Variants in TRIP12 observed in about 807,000 individuals in gnomAD.
The protein encoded by TRIP12 is E3 ubiquitin-protein ligase TRIP12.
TRIP12 carries 25 observed loss-of-function variants against 244.2 expected under a neutral mutation model. That is an observed-to-expected ratio of 0.10 (90% CI 0.07 to 0.14). TRIP12 has a LOEUF of 0.14. Among genes scored for constraint, TRIP12 ranks in the 10% least tolerant of loss-of-function variants. The probability of loss-of-function intolerance (pLI) is 1.00; values close to 1 mark genes in which losing one functional copy is unlikely to be tolerated. For synonymous variants in TRIP12, 905 were observed against 873.1 expected (o/e 1.04, Z -0.64); for missense variants, 1,677 against 2,486.4 (o/e 0.67, Z 6.92).
At chr2:229,912,082 C>T (rs2154378150) in intron 1 of TRIP12, among the ~76,000 whole-genome samples, 1 of 152,284 alleles carries the variant, frequency 6.6e-6, no homozygotes, top group African/African-American at 2.4e-5. Context: ...TGTGCTGAGA[C>T]AAAATGACTG....
In TRIP12 at chr2:229,912,035, T is replaced by G. The variant is rs187432947; in HGVS notation, c.-50+9845A>C. On this transcript the variant is annotated intron_variant, in intron 1 of 41. Coordinates refer to ENST00000675903, the MANE Select transcript of TRIP12 (RefSeq NM_001348323.3). ...TCATGCATTAGGTATCAAAAAGTAT[T>G]TTGAATTACAAAAAATCTGAACAAA... Among the ~76,000 whole-genome samples, 32 of 152,320 alleles carry G rather than the reference T, an allele frequency of 2.1e-4. No individual in the cohort carries two copies. In the East Asian group the frequency reaches 4.2e-3, roughly 20 times the overall value.
intron 15 of TRIP12, 89 bp from the exon 16 acceptor site, chr2:229,808,458 A>C (rs1024714753): frequency 2.5e-6 from 2 of 813,580 alleles, no homozygotes; most frequent in Non-Finnish European, 4.0e-6. Flanking sequence ...GGGGGAAAAT[A>C]ATCAGAATCA....
chr2:229,809,064 G>A (rs540675526), intron 15 of TRIP12, among the ~76,000 whole-genome samples: 2 of 152,292 alleles, frequency 1.3e-5, no homozygotes, highest in Non-Finnish European at 2.9e-5. Flanking sequence ...TTGTGTGTGT[G>A]TTCCTGTAAA....
intron 8 of TRIP12, among the ~76,000 whole-genome samples, chr2:229,825,283 T>C (rs1465441691): frequency 6.6e-6 from 1 of 152,140 alleles, no homozygotes; most frequent in Non-Finnish European, 1.5e-5. Context: ...TATGAATTGG[T>C]GGTATCAGCA....
At chr2:229,893,392 T>C (rs1576777333) in intron 1 of TRIP12, among the ~76,000 whole-genome samples, 1 of 152,066 alleles carries the variant, frequency 6.6e-6, no homozygotes, top group African/African-American at 2.4e-5. Flanking sequence ...GTAACCCAAA[T>C]CCTTACCAGG....
intron 28 of TRIP12, 31 bp downstream of exon 28, chr2:229,792,122 C>T (rs542771719): frequency 1.2e-6 from 2 of 1,613,950 alleles, no homozygotes; most frequent in East Asian, 2.2e-5. Flanking sequence ...TTATATAGTA[C>T]ATTATACATG....
chr2:229,876,746 C>T (rs2063658480), intron 2 of TRIP12, among the ~76,000 whole-genome samples: 1 of 152,188 alleles, frequency 6.6e-6, no homozygotes, highest in Admixed American at 6.5e-5. Flanking sequence ...TCACTGAAAC[C>T]TTGAACTCCT....
chr2:229,794,762 C>A (rs1398181184), intron 26 of TRIP12: 1 of 152,118 alleles, frequency 6.6e-6, no homozygotes, highest in Admixed American at 6.5e-5. Context: ...AAACATTTGA[C>A]CCCATCAAAA....
At chr2:229,870,836 G>A (rs1467040915) in intron 2 of TRIP12, among the ~76,000 whole-genome samples, 2 of 152,102 alleles carry the variant, frequency 1.3e-5, no homozygotes, top group Non-Finnish European at 2.9e-5. Flanking sequence ...CTGACAGCTT[G>A]TCCTGAGTCC....
intron 1 of TRIP12, among the ~76,000 whole-genome samples, chr2:229,901,209 C>T (rs547880400): frequency 6.6e-6 from 1 of 151,402 alleles, no homozygotes; most frequent in East Asian, 2.0e-4. Flanking sequence ...GCTGGGATTA[C>T]AGTCATGAGC....
chr2:229,821,865 T>C (rs1413698341), intron 8 of TRIP12, among the ~76,000 whole-genome samples: 1 of 152,086 alleles, frequency 6.6e-6, no homozygotes, highest in African/African-American at 2.4e-5. Flanking sequence ...AGGGGCCAGA[T>C]ACCCTGGCTC....
chr2:229,810,100 C>CT (rs1391301006), intron 15 of TRIP12, among the ~76,000 whole-genome samples: 5 of 152,220 alleles, frequency 3.3e-5, no homozygotes, highest in African/African-American at 1.2e-4. Context: ...TGGCTCATGC[C>CT]TATAATCCTA....
intron 21 of TRIP12, 109 bp downstream of exon 21, chr2:229,802,143 A>G (rs2044541374): frequency 1.3e-6 from 1 of 741,574 alleles, no homozygotes; most frequent in Non-Finnish European, 1.9e-6. Context: ...AAGGAAAAAT[A>G]TAATATATAT....
At chr2:229,829,915 C>T (rs2154297846) in intron 7 of TRIP12, among the ~76,000 whole-genome samples, 1 of 152,310 alleles carries the variant, frequency 6.6e-6, no homozygotes, top group African/African-American at 2.4e-5. Context: ...TGCCATTGCA[C>T]TCCAGCCTGG....
intron 4 of TRIP12, among the ~76,000 whole-genome samples, chr2:229,842,691 C>A (rs1272223258): frequency 2.9e-5 from 4 of 139,748 alleles, no homozygotes; most frequent in African/African-American, 9.8e-5. Flanking sequence ...TTTATACATA[C>A]CATGATACAG....
chr2:229,888,579 G>A (rs2066560312), intron 1 of TRIP12, among the ~76,000 whole-genome samples: 1 of 152,110 alleles, frequency 6.6e-6, no homozygotes. Flanking sequence ...ACTCAAAAAT[G>A]TCCATCAGAT....
chr2:229,823,270 T>G (rs2050566974), intron 8 of TRIP12, among the ~76,000 whole-genome samples: 1 of 152,226 alleles, frequency 6.6e-6, no homozygotes, highest in Non-Finnish European at 1.5e-5. Context: ...AAACATCACT[T>G]AAACCCTATA....
At chr2:229,835,644 C>CT (rs1030573978) in intron 6 of TRIP12, among the ~76,000 whole-genome samples, 1 of 152,166 alleles carries the variant, frequency 6.6e-6, no homozygotes, top group Non-Finnish European at 1.5e-5. Flanking sequence ...ATGTAAAGTG[C>CT]TTAATACTAT....
chr2:229,889,677 G>A (rs529908083), intron 1 of TRIP12, among the ~76,000 whole-genome samples: 1 of 152,100 alleles, frequency 6.6e-6, no homozygotes, highest in African/African-American at 2.4e-5. Flanking sequence ...AATTTTTTAA[G>A]ACTCCAACCT....
Sources: gnomAD v4.1 joint callset for allele counts (sites outside exome capture counted in the v4.1 genomes callset) on GRCh38, gnomAD v4.1.1 for gene constraint, MANE v1.5 for transcripts, NCBI Gene and HGNC (gene_info 2026-07-23, HGNC 2026-07-21) for gene names.